The following RAPH1 variants were observed in gnomAD, a reference collection of about 807,000 sequenced individuals.
RAPH1 encodes the protein Ras association (RalGDS/AF-6) and pleckstrin homology domains 1.
RAPH1 carries 18 observed loss-of-function variants against 88.1 expected under a neutral mutation model. The observed-to-expected ratio is 0.20, with a 90% CI of 0.14 to 0.30. RAPH1 has a LOEUF of 0.30. Among genes scored for constraint, RAPH1 ranks in the 10% least tolerant of loss-of-function variants. The pLI is 1.00. For missense variants in RAPH1, 1,448 were observed against 1,543.2 expected (o/e 0.94, Z 1.03); for synonymous variants, 587 against 559.0 (o/e 1.05, Z -0.71).
At position 203,489,749 on chromosome 2, in the gene RAPH1, T is replaced by C; in HGVS notation, c.567A>G (p.Arg189=). 6.2e-7 allele frequency: 1 copy of C among 1,614,232 alleles called. No individual in the cohort carries two copies. Among genetic ancestry groups the C allele is most frequent in the Non-Finnish European group, 8.5e-7 (1 of 1,180,042 alleles). ...CACTCACTGTGCCTGCTGACGCGGTTCTTCTGTGCTGATTAGTTACTAAGG... is the reference window on the plus strand; with the variant it reads ...CACTCACTGTGCCTGCTGACGCGGTCCTTCTGTGCTGATTAGTTACTAAGG... ...TKPLVTNQHR[R]TASAGTVSDA... The change falls in exon 4 of 14, where the codon AGA becomes AGG. Residue 189 remains arginine (R), a synonymous_variant. Coordinates refer to ENST00000319170, the MANE Select transcript of RAPH1 (RefSeq NM_213589.3).
chr2:203,449,217 A>G (rs1455888234), intron 10 of RAPH1, among the ~76,000 whole-genome samples: 1 of 152,190 alleles, frequency 6.6e-6, no homozygotes, highest in Non-Finnish European at 1.5e-5. Flanking sequence ...AACCCACTGA[A>G]ATTATGGGTG....
chr2:203,506,736 A>ATC (rs1397856005), intron 1 of RAPH1, among the ~76,000 whole-genome samples: 1 of 124,852 alleles, frequency 8.0e-6, no homozygotes, highest in African/African-American at 4.0e-5. Flanking sequence ...ATATATAGAT[A>ATC]TATATCTATA....
At chr2:203,522,068 A>T (rs1471155740) in intron 1 of RAPH1, among the ~76,000 whole-genome samples, 1 of 152,246 alleles carries the variant, frequency 6.6e-6, no homozygotes. Flanking sequence ...TAAAAGTATC[A>T]GACTATCTTT....
At chr2:203,481,594 T>C (rs2732869) in intron 4 of RAPH1, among the ~76,000 whole-genome samples, 11,227 of 131,904 alleles carry the variant, frequency 0.085, 734 homozygotes, top group African/African-American at 0.19. Context: ...TATATATATA[T>C]ACACATTTTT....
intron 4 of RAPH1, among the ~76,000 whole-genome samples, chr2:203,470,808 C>G (rs1456097722): frequency 2.0e-5 from 3 of 152,104 alleles, no homozygotes; most frequent in Admixed American, 6.5e-5. Context: ...ATAGCTGCAC[C>G]AAGACGAAAA....
intron 13 of RAPH1, chr2:203,443,353 C>T (rs184969431): frequency 6.6e-6 from 1 of 152,236 alleles, no homozygotes; most frequent in East Asian, 1.9e-4. Flanking sequence ...ATGGAGTGAC[C>T]TCTTGCATAT....
intron 1 of RAPH1, among the ~76,000 whole-genome samples, chr2:203,516,948 G>A (rs1689640265): frequency 2.0e-5 from 3 of 151,772 alleles, no homozygotes; most frequent in Admixed American, 2.0e-4. Context: ...GCAGGAGAAT[G>A]GTGTGAACCC....
intron 1 of RAPH1, among the ~76,000 whole-genome samples, chr2:203,501,735 A>C (rs1367149133): frequency 1.3e-5 from 2 of 151,966 alleles, no homozygotes; most frequent in Non-Finnish European, 2.9e-5. Context: ...CCCTCAATAG[A>C]AAGGGCCTAC....
At chr2:203,476,929 T>G (rs191950872) in intron 4 of RAPH1, 1 of 586,738 alleles carries the variant, frequency 1.7e-6, no homozygotes, top group Non-Finnish European at 3.0e-6. Flanking sequence ...ATATCTAAAG[T>G]TGCTTATTTG....
chr2:203,469,251 T>C (rs2098531112), intron 4 of RAPH1, among the ~76,000 whole-genome samples: 1 of 152,102 alleles, frequency 6.6e-6, no homozygotes, highest in South Asian at 2.1e-4. Context: ...GAGCTAGACT[T>C]AGACTTCTAC....
chr2:203,498,847 T>C (rs984168334), intron 1 of RAPH1, among the ~76,000 whole-genome samples: 13 of 152,304 alleles, frequency 8.5e-5, no homozygotes, highest in African/African-American at 2.9e-4. Context: ...GTGCTCATAA[T>C]GATGTTCAGA....
chr2:203,440,862 T>C lies in RAPH1; in HGVS notation c.2328A>G (p.Gln776=). 1.0e-6 allele frequency: 1 copy of C among 993,118 alleles called. No homozygotes were observed. Among genetic ancestry groups the C allele is most frequent in the Admixed American group, 3.9e-5 (1 of 25,576 alleles). 61.5% of individuals were successfully genotyped at this position (993,118 alleles called of 1,614,324 possible). The change falls in exon 14 of 14, where the codon CAA becomes CAG. Residue 776 remains glutamine, a synonymous_variant. Coordinates refer to ENST00000319170, the MANE Select transcript of RAPH1 (RefSeq NM_213589.3). ...TGGTCACAAGGGGTTTTGGGGGAGC[T>C]TGGGGAGGGAGGGGTGCAGGGATAG... ...PPPIPAPLPP[Q]APPKPLVTIP...
Position 203,441,052 on chromosome 2 carries a change from G to A in RAPH1, c.2138C>T (p.Pro713Leu). The stretch of plus-strand genomic sequence containing the variant: ...TGGGGTTGGGGGTGGAGGAGGGGGA[G>A]GGGGTGGTGGAACAACTCCATTGGG... The part of the protein sequence containing the change: ...VPPNGVVPPP[P>L]PPPPPPTPGS... Residue 713 changes from proline (P) to leucine (L), a missense_variant, in exon 14 of 14, where the codon CCT (proline) becomes CTT (leucine). By Grantham distance (98) the Pro-to-Leu change is moderately conservative. Coordinates refer to ENST00000319170, the MANE Select transcript of RAPH1 (RefSeq NM_213589.3). 2.7e-6 allele frequency: 4 copies of A among 1,494,194 alleles called. No homozygotes were observed. The highest frequency in any genetic ancestry group is 3.7e-6 in the Non-Finnish European group (4 of 1,088,630). The allele number at this position is 1,494,194 out of a possible 1,614,324, so 92.6% of individuals were successfully genotyped here.
chr2:203,483,066 A>AGCTGGCTGAGAACAAGTAT (rs1687801431), intron 4 of RAPH1, among the ~76,000 whole-genome samples: 1 of 152,172 alleles, frequency 6.6e-6, no homozygotes, highest in African/African-American at 2.4e-5. Context: ...TAGTGGGGTA[A>AGCTGGCTGAGAACAAGTAT]GGGACAGAAG....
rs1478010880 is a variant in RAPH1, at chr2:203,437,480, T to G, written c.*1957A>C. On this transcript the variant is annotated 3_prime_UTR_variant, in exon 14 of 14. Coordinates refer to ENST00000319170, the MANE Select transcript of RAPH1 (RefSeq NM_213589.3). The stretch of plus-strand genomic sequence containing the variant: ...TACTCAAACATTACCCAAATTTCTG[T>G]GCATGCTTAAATTAACAATGCAGAT... 2 of 152,230 alleles carry G rather than the reference T, an allele frequency of 1.3e-5. No homozygotes were observed. Among genetic ancestry groups the G allele is most frequent in the Non-Finnish European group, 2.9e-5 (2 of 68,036 alleles). 9.4% of individuals were successfully genotyped at this position (152,230 alleles called of 1,614,324 possible).
At chr2:203,510,317 T>C (rs531982711) in intron 1 of RAPH1, among the ~76,000 whole-genome samples, 4 of 100,616 alleles carry the variant, frequency 4.0e-5, no homozygotes, top group Middle Eastern at 0.026. Context: ...GCCTGGGTGA[T>C]AGAGCAAAAC....
chr2:203,518,541 A>AC (rs1259971286), intron 1 of RAPH1, among the ~76,000 whole-genome samples: 1 of 148,854 alleles, frequency 6.7e-6, no homozygotes, highest in Non-Finnish European at 1.5e-5. Flanking sequence ...CAAAAAAACA[A>AC]AAAAAAAACA....
Position 203,434,058 on chromosome 2 carries a change from A to ATCTATCTATCTATCTATCTATC in RAPH1, c.*5378_*5379insGATAGATAGATAGATAGATAGA, listed in dbSNP as rs10650424. 1 of 138,478 alleles carries ATCTATCTATCTATCTATCTATC rather than the reference A, an allele frequency of 7.2e-6. No individual in the cohort carries two copies. The highest frequency in any genetic ancestry group is 2.3e-4 in the South Asian group (1 of 4,348). 8.6% of individuals were successfully genotyped at this position (138,478 alleles called of 1,614,324 possible). On this transcript the variant is annotated 3_prime_UTR_variant, in exon 14 of 14. Transcript: ENST00000319170. The stretch of plus-strand genomic sequence containing the variant: ...CTCTCATATATCTATCTATCTATCT[A>ATCTATCTATCTATCTATCTATC]TATATATATATATATATATATAGCT...
At chr2:203,523,221 G>A (rs868671373) in intron 1 of RAPH1, among the ~76,000 whole-genome samples, 2 of 151,574 alleles carry the variant, frequency 1.3e-5, no homozygotes, top group Non-Finnish European at 2.9e-5. Flanking sequence ...GTTAAACCCC[G>A]TCTCTATTAA....
Sources: allele counts gnomAD v4.1 joint callset (sites outside exome capture counted in the v4.1 genomes callset), GRCh38; gene constraint gnomAD v4.1.1; transcripts MANE v1.5; gene names NCBI Gene and HGNC (gene_info 2026-07-23, HGNC 2026-07-21).